Variants in SNX29 observed in about 807,000 individuals in gnomAD.
SNX29 encodes sorting nexin 29.
SNX29 carries 78 observed loss-of-function variants against 102.1 expected under a neutral mutation model. The ratio of observed to expected loss-of-function variants is 0.76; its 90% CI spans 0.64 to 0.92. SNX29 has a LOEUF of 0.92. Ranked by LOEUF, SNX29 falls within the 40% of genes least tolerant of loss-of-function variation. SNX29 has a pLI of 0.00. For synonymous variants in SNX29, 580 were observed against 414.5 expected (o/e 1.40, Z -4.85); for missense variants, 1,280 against 1,061.7 (o/e 1.21, Z -2.86).
Position 12,574,158 on chromosome 16 carries a change from A to AT in SNX29, c.*5535dup, listed in dbSNP as rs1335759631. ...TAGGATTTTTAAACAAATGTGTTTA[A>AT]TTTTTTAAGATCTCTTGTATTAAAA... On this transcript the variant is annotated 3_prime_UTR_variant, in exon 21 of 21. Coordinates refer to ENST00000566228, the MANE Select transcript of SNX29 (RefSeq NM_032167.5). The AT allele has an allele frequency of 1.7e-5, 3 of 180,916 alleles. No homozygotes were observed. Among genetic ancestry groups the AT allele is most frequent in the African/African-American group, 7.1e-5 (3 of 42,416 alleles). The allele number at this position is 180,916 out of a possible 1,614,324, so 11.2% of individuals were successfully genotyped here. A position where few individuals can be genotyped will look rare whatever the true frequency, so the allele number is the denominator to read the frequency against.
chr16:12,336,279 A>G (rs2081446838), intron 15 of SNX29, among the ~76,000 whole-genome samples: 2 of 152,188 alleles, frequency 1.3e-5, no homozygotes, highest in Non-Finnish European at 2.9e-5. Context: ...GGTATTCAGA[A>G]TAGACTCTCT....
chr16:12,474,080 G>A (rs2087481485), intron 18 of SNX29, among the ~76,000 whole-genome samples: 1 of 152,254 alleles, frequency 6.6e-6, no homozygotes, highest in African/African-American at 2.4e-5. Context: ...GCCCCTGTCT[G>A]GTAACACTGT....
At chr16:12,461,986 T>C (rs1438613587) in intron 18 of SNX29, among the ~76,000 whole-genome samples, 2 of 54,524 alleles carry the variant, frequency 3.7e-5, no homozygotes, top group African/African-American at 2.5e-4. Context: ...AAAATATATA[T>C]ATATATATAT....
intron 20 of SNX29, among the ~76,000 whole-genome samples, chr16:12,536,399 A>C (rs925454643): frequency 6.6e-6 from 1 of 151,962 alleles, no homozygotes; most frequent in Non-Finnish European, 1.5e-5. Context: ...TAAAGGTACA[A>C]GCAGAATGGC....
intron 19 of SNX29, among the ~76,000 whole-genome samples, chr16:12,519,766 A>G (rs1439864950): frequency 6.6e-6 from 1 of 152,180 alleles, no homozygotes; most frequent in African/African-American, 2.4e-5. Flanking sequence ...AGGCAGGTGG[A>G]TCACCTGAGG....
rs2090230676 is a variant in SNX29, at chr16:12,524,696, C to T, written c.2179-6C>T. 5 of 1,612,642 alleles carry T rather than the reference C, an allele frequency of 3.1e-6. No individual in the cohort carries two copies. Among genetic ancestry groups the T allele is most frequent in the East Asian group, 2.2e-5 (1 of 44,826 alleles). On this transcript the variant is annotated splice_polypyrimidine_tract_variant and splice_region_variant and intron_variant, in intron 19 of 20. Transcript: ENST00000566228. ...ACCAAAGCGAAGATGTTTTGTGTTT[C>T]CTCAGGATGCCAAGTTTGTGGAGGA...
chr16:12,345,153 A>G lies in SNX29; in HGVS notation c.1783-11010A>G, dbSNP rs564756187. Among the ~76,000 whole-genome samples the G allele has an allele frequency of 2.2e-3, 342 of 152,334 alleles. 2 individuals are homozygous for G. Among genetic ancestry groups the G allele is most frequent in the African/African-American group, 7.7e-3 (321 of 41,564 alleles). The stretch of plus-strand genomic sequence containing the variant: ...TCCAGTAACACACGTGGAGTTGGGT[A>G]AGATCCTGTGCTCTGCGCTAGAGCT... On this transcript the variant is annotated intron_variant, in intron 15 of 20. Coordinates refer to ENST00000566228, the MANE Select transcript of SNX29 (RefSeq NM_032167.5).
intron 3 of SNX29, among the ~76,000 whole-genome samples, chr16:12,010,746 T>G (rs2056621306): frequency 7.5e-6 from 1 of 133,298 alleles, no homozygotes; most frequent in South Asian, 2.2e-4. Flanking sequence ...TGATTTGTTT[T>G]GGTGATTTTT....
intron 16 of SNX29, among the ~76,000 whole-genome samples, chr16:12,371,263 C>G (rs1261477558): frequency 2.0e-5 from 3 of 151,988 alleles, no homozygotes; most frequent in African/African-American, 7.2e-5. Context: ...TCTCTCTTCC[C>G]TCCTCCCTCC....
At chr16:12,047,921 T>G (rs1346537984) in intron 6 of SNX29, among the ~76,000 whole-genome samples, 2 of 152,046 alleles carry the variant, frequency 1.3e-5, no homozygotes, top group Non-Finnish European at 2.9e-5. Context: ...CCTTCCAAAG[T>G]GCCGGGATTA....
At chr16:11,990,169 G>T (rs1457071402) in intron 1 of SNX29, among the ~76,000 whole-genome samples, 1 of 152,194 alleles carries the variant, frequency 6.6e-6, no homozygotes, top group African/African-American at 2.4e-5. Context: ...GGCGGGCCTG[G>T]CCCCAGGTGT....
intron 14 of SNX29, among the ~76,000 whole-genome samples, chr16:12,219,046 T>G (rs1343179556): frequency 6.6e-6 from 1 of 152,164 alleles, no homozygotes; most frequent in Non-Finnish European, 1.5e-5. Flanking sequence ...AGTGCTGGGA[T>G]TACAGGTGTG....
At chr16:12,289,430 C>T (rs1303742821) in intron 15 of SNX29, among the ~76,000 whole-genome samples, 2 of 152,154 alleles carry the variant, frequency 1.3e-5, no homozygotes, top group Non-Finnish European at 2.9e-5. Flanking sequence ...AGTGTTTATC[C>T]TTGCTGATCT....
intron 19 of SNX29, among the ~76,000 whole-genome samples, chr16:12,484,729 A>G (rs2088142565): frequency 6.6e-6 from 1 of 152,196 alleles, no homozygotes; most frequent in Non-Finnish European, 1.5e-5. Context: ...ACCAGATGTC[A>G]GTTCAGATTT....
At chr16:12,469,042 G>T (rs777100684) in intron 18 of SNX29, among the ~76,000 whole-genome samples, 8 of 152,146 alleles carry the variant, frequency 5.3e-5, no homozygotes, top group African/African-American at 1.9e-4. Context: ...TTCAGCTACA[G>T]TTACGGTACC....
In SNX29 at chr16:12,537,401, G is replaced by T. The variant is rs146253843; in HGVS notation, c.2318+12560G>T. On this transcript the variant is annotated intron_variant, in intron 20 of 20. Transcript: ENST00000566228. ...AAAGAGCAAGACTTTGAGCCAAACA[G>T]ACCTGGGCTCAAATTCCAGCTCAAC... 2.5e-3 allele frequency among the ~76,000 whole-genome samples: 380 copies of T among 152,318 alleles called. 4 individuals are homozygous for T. Among genetic ancestry groups the T allele is most frequent in the Non-Finnish European group, 4.4e-3 (300 of 68,018 alleles).
chr16:12,530,416 G>T (rs1183057370), intron 20 of SNX29, among the ~76,000 whole-genome samples: 1 of 151,966 alleles, frequency 6.6e-6, no homozygotes, highest in African/African-American at 2.4e-5. Context: ...AGATGAGGAA[G>T]TAAACAGCAC....
intron 11 of SNX29, among the ~76,000 whole-genome samples, chr16:12,088,456 T>TC (rs2052326381): frequency 6.6e-6 from 1 of 152,084 alleles, no homozygotes; most frequent in South Asian, 2.1e-4. Context: ...TAGCTATCCC[T>TC]CCCCAGCCCT....
intron 5 of SNX29, among the ~76,000 whole-genome samples, chr16:12,043,473 G>A (rs2049967367): frequency 6.6e-6 from 1 of 151,624 alleles, no homozygotes; most frequent in Non-Finnish European, 1.5e-5. Context: ...TCCCACCTTA[G>A]CCTCCTGAGC....
Sources: gnomAD v4.1 joint callset for allele counts (sites outside exome capture counted in the v4.1 genomes callset) on GRCh38, gnomAD v4.1.1 for gene constraint, MANE v1.5 for transcripts, NCBI Gene and HGNC (gene_info 2026-07-23, HGNC 2026-07-21) for gene names.